Variants in HSPA4L observed in about 807,000 individuals in gnomAD.
The protein encoded by HSPA4L is heat shock protein family A (Hsp70) member 4 like.
Under a neutral mutation model 100.3 loss-of-function variants are expected in HSPA4L, and 48 were observed. The ratio of observed to expected loss-of-function variants is 0.48; its 90% CI spans 0.38 to 0.61. HSPA4L has a LOEUF of 0.61. Among genes scored for constraint, HSPA4L ranks in the 20% least tolerant of loss-of-function variants. The pLI, the probability that HSPA4L is intolerant of heterozygous loss-of-function variation, is 0.00. For missense variants in HSPA4L, 886 were observed against 988.6 expected (o/e 0.90, Z 1.39); for synonymous variants, 319 against 328.2 (o/e 0.97, Z 0.30).
rs1313279320 is a variant in HSPA4L at position 127,812,903 on chromosome 4, T to C, written c.1578+1267T>C. On this transcript the variant is annotated intron_variant, in intron 12 of 18. Transcript: ENST00000296464. ...CGTTTCAGGAAGCTATCTCGGCTCT[T>C]AGAGTGCTTAATGTGCTCAATACGC... 14 of 886,636 alleles carry C rather than the reference T, an allele frequency of 1.6e-5. No homozygotes were observed. The Admixed American group carries it at 2.4e-4, about 15-fold the overall frequency. The allele number at this position is 886,636 out of a possible 1,614,324, so 54.9% of individuals were successfully genotyped here.
In HSPA4L at chr4:127,834,917, T is replaced by C. The variant is rs933851853; in HGVS notation, c.*2043T>C. On this transcript the variant is annotated 3_prime_UTR_variant, in exon 19 of 19. Transcript: ENST00000296464. ...TTTAGTCAGATAGTACCACTAATTT[T>C]TGTAATTATATAACACTTCATTTAA... The C allele has an allele frequency of 6.6e-6, 1 of 152,208 alleles. No homozygotes were observed. Among genetic ancestry groups the C allele is most frequent in the African/African-American group, 2.4e-5 (1 of 41,468 alleles). The allele number at this position is 152,208 out of a possible 1,614,324, so 9.4% of individuals were successfully genotyped here.
intron 1 of HSPA4L, among the ~76,000 whole-genome samples, chr4:127,789,452 C>T (rs1280438145): frequency 2.0e-5 from 3 of 152,094 alleles, no homozygotes; most frequent in African/African-American, 7.2e-5. Flanking sequence ...CAAGACCATC[C>T]TGGCTAACAT....
At chr4:127,786,321 C>T (rs1464782375) in intron 1 of HSPA4L, among the ~76,000 whole-genome samples, 5 of 152,094 alleles carry the variant, frequency 3.3e-5, no homozygotes, top group African/African-American at 7.2e-5. Flanking sequence ...ATGGCATATA[C>T]GTAACTAGGT....
At chr4:127,814,721 C>T (rs186722791) in intron 12 of HSPA4L, among the ~76,000 whole-genome samples, 2 of 152,252 alleles carry the variant, frequency 1.3e-5, no homozygotes, top group East Asian at 1.9e-4. Context: ...CATACGCCAC[C>T]ACGCCTGGCA....
At position 127,818,363 on chromosome 4, in the gene HSPA4L, A is replaced by G; in HGVS notation, c.1617A>G (p.Lys539=). The change falls in exon 13 of 19, where the codon AAA becomes AAG. Residue 539 remains lysine (K), a synonymous_variant. Coordinates refer to ENST00000296464, the MANE Select transcript of HSPA4L (RefSeq NM_014278.4). Reference sequence around the variant, plus strand: ...TTGATCAAGAAGAAGGGCATCAAAAATGTCATGCTGAACACACTCCAGAAG... The same window carrying G: ...TTGATCAAGAAGAAGGGCATCAAAAGTGTCATGCTGAACACACTCCAGAAG... ...MQVDQEEGHQ[K]CHAEHTPEEE... is the part of the protein sequence containing the mutation. The G allele has an allele frequency of 6.2e-7, 1 of 1,612,610 alleles. No individual in the cohort carries two copies. The highest frequency in any genetic ancestry group is 8.5e-7 in the Non-Finnish European group (1 of 1,179,052).
rs1262447024 is a variant in HSPA4L, at chr4:127,803,697, C to G, written c.732C>G (p.Phe244Leu). 1 of 1,613,572 alleles carries G rather than the reference C, an allele frequency of 6.2e-7. No homozygotes were observed. The highest frequency in any genetic ancestry group is 8.5e-7 in the Non-Finnish European group (1 of 1,179,846). ...TTGATGAGGCTTTAGTAGACTACTTCTGTGATGAGTTCAAGACCAAATATA... is the reference window on the plus strand; with the variant it reads ...TTGATGAGGCTTTAGTAGACTACTTGTGTGATGAGTTCAAGACCAAATATA... ...RNFDEALVDY[F>L]CDEFKTKYKI... The change falls in exon 7 of 19, where the codon TTC becomes TTG. Residue 244 changes from phenylalanine to leucine, a missense_variant. Transcript: ENST00000296464.
At position 127,838,313 on chromosome 4, in the gene HSPA4L, T is replaced by C. The variant is rs1367627451; in HGVS notation, c.*5439T>C. 2 of 152,172 alleles carry C rather than the reference T, an allele frequency of 1.3e-5. No individual in the cohort carries two copies. The highest frequency in any genetic ancestry group is 4.8e-5 in the African/African-American group (2 of 41,438). The allele number at this position is 152,172 out of a possible 1,614,324, so 9.4% of individuals were successfully genotyped here. A position where few individuals can be genotyped will look rare whatever the true frequency, so the allele number is the denominator to read the frequency against. ...GTGGAAGTGATCAGTATTAAGTGGG[T>C]GATGGCTCTTTCATCTTCCTTATCC... On this transcript the variant is annotated 3_prime_UTR_variant, in exon 19 of 19. Coordinates refer to ENST00000296464, the MANE Select transcript of HSPA4L (RefSeq NM_014278.4).
rs1734318728 is a variant in HSPA4L, at chr4:127,839,703, A to C, written c.*6829A>C. On this transcript the variant is annotated 3_prime_UTR_variant, in exon 19 of 19. Transcript: ENST00000296464. ...GAGCGAGACTCTGTCTCAAAAAAAA[A>C]AAAAAGTGTAATTAGAAATGGAAAT... 1 of 151,972 alleles carries C rather than the reference A, an allele frequency of 6.6e-6. No homozygotes were observed. Among genetic ancestry groups the C allele is most frequent in the African/African-American group, 2.4e-5 (1 of 41,356 alleles). 9.4% of individuals were successfully genotyped at this position (151,972 alleles called of 1,614,324 possible).
chr4:127,791,417 A>C (rs990522558), intron 1 of HSPA4L, among the ~76,000 whole-genome samples: 2 of 152,230 alleles, frequency 1.3e-5, no homozygotes, highest in African/African-American at 4.8e-5. Flanking sequence ...CACAGACAAA[A>C]GAGTCCCTGC....
Position 127,832,973 on chromosome 4 carries a change from C to T in HSPA4L, c.*99C>T. The T allele has an allele frequency of 1.2e-6, 1 of 827,738 alleles. No homozygotes were observed. Among genetic ancestry groups the T allele is most frequent in the Admixed American group, 3.1e-5 (1 of 32,440 alleles). The allele number at this position is 827,738 out of a possible 1,614,324, so 51.3% of individuals were successfully genotyped here. A position where few individuals can be genotyped will look rare whatever the true frequency, so the allele number is the denominator to read the frequency against. ...ACAACAGACGCTCAGTTGTTCTTAA[C>T]CACTTTTGTCATTTGTTTTTTGGAG... On this transcript the variant is annotated 3_prime_UTR_variant, in exon 19 of 19. Coordinates refer to ENST00000296464, the MANE Select transcript of HSPA4L (RefSeq NM_014278.4).
intron 10 of HSPA4L, among the ~76,000 whole-genome samples, chr4:127,807,188 T>C (rs972271963): frequency 6.6e-6 from 1 of 152,000 alleles, no homozygotes. Flanking sequence ...TCCATACTTA[T>C]AGTAATAGGA....
Position 127,838,004 on chromosome 4 carries a change from T to G in HSPA4L, c.*5130T>G, listed in dbSNP as rs1386548491. On this transcript the variant is annotated 3_prime_UTR_variant, in exon 19 of 19. Transcript: ENST00000296464. ...ATTTTTAGTAGATGGGGTTTCATCA[T>G]GTTGGCCAGGCTGGTTTTGAACTCC... 1 of 152,146 alleles carries G rather than the reference T, an allele frequency of 6.6e-6. No homozygotes were observed. Among genetic ancestry groups the G allele is most frequent in the East Asian group, 1.9e-4 (1 of 5,186 alleles). The allele number at this position is 152,146 out of a possible 1,614,324, so 9.4% of individuals were successfully genotyped here.
intron 11 of HSPA4L, chr4:127,809,132 C>T: frequency 1.4e-6 from 1 of 712,138 alleles, no homozygotes; most frequent in Non-Finnish European, 2.5e-6. Context: ...GAAGTGCTCA[C>T]CATTTGCCAC....
intron 14 of HSPA4L, among the ~76,000 whole-genome samples, chr4:127,822,052 A>G (rs536273985): frequency 1.3e-5 from 2 of 152,256 alleles, no homozygotes; most frequent in South Asian, 2.1e-4. Context: ...ATTTGCTATT[A>G]TAACCATTTT....
At chr4:127,811,277 G>T (rs1241556445) in intron 11 of HSPA4L, among the ~76,000 whole-genome samples, 160 bp from the exon 12 acceptor site, 3 of 151,318 alleles carry the variant, frequency 2.0e-5, no homozygotes, top group African/African-American at 7.3e-5. Context: ...AAGATAATCT[G>T]GGGGAAGTAC....
intron 1 of HSPA4L, 24 bp downstream of exon 1, chr4:127,782,681 C>G: frequency 6.6e-7 from 1 of 1,513,652 alleles, no homozygotes; most frequent in South Asian, 1.2e-5. Context: ...CTGAGCATCA[C>G]CTCGACCCTA....
chr4:127,831,640 G>GTA (rs1226900744), intron 18 of HSPA4L, among the ~76,000 whole-genome samples: 1 of 151,484 alleles, frequency 6.6e-6, no homozygotes, highest in African/African-American at 2.4e-5. Flanking sequence ...GTTTAAAGAT[G>GTA]TATACAGTGT....
chr4:127,827,905 A>C (rs1049197553), intron 17 of HSPA4L, among the ~76,000 whole-genome samples: 1 of 152,096 alleles, frequency 6.6e-6, no homozygotes, highest in African/African-American at 2.4e-5. Context: ...TACATATTCA[A>C]ATCTATATAA....
At chr4:127,818,207 C>T in intron 12 of HSPA4L, 118 bp from the exon 13 acceptor site, 2 of 568,018 alleles carry the variant, frequency 3.5e-6, no homozygotes, top group Non-Finnish European at 6.2e-6. Context: ...TGAGCTTCTA[C>T]TTAACTGTTT....
Sources: gnomAD v4.1 joint callset for allele counts (sites outside exome capture counted in the v4.1 genomes callset) on GRCh38, gnomAD v4.1.1 for gene constraint, MANE v1.5 for transcripts, NCBI Gene and HGNC (gene_info 2026-07-23, HGNC 2026-07-21) for gene names.